Variants in DSEL observed in about 807,000 individuals in gnomAD.
DSEL encodes the protein dermatan-sulfate epimerase-like protein.
Under a neutral mutation model 96.6 loss-of-function variants are expected in DSEL, and 61 were observed. That is an observed-to-expected ratio of 0.63 (90% CI 0.51 to 0.78). The LOEUF (loss-of-function observed/expected upper bound fraction) is 0.78. Among genes scored for constraint, DSEL ranks in the 30% least tolerant of loss-of-function variants. DSEL has a pLI of 0.00. For synonymous variants in DSEL, 514 were observed against 502.0 expected, an observed-to-expected ratio of 1.02 and a Z score of -0.32; for missense variants, 1,320 against 1,430.8, an observed-to-expected ratio of 0.92 and a Z score of 1.25.
Position 67,508,113 on chromosome 18 carries a change from G to T in DSEL, c.*2857C>A, listed in dbSNP as rs2089420334. On this transcript the variant is annotated 3_prime_UTR_variant, in exon 2 of 2. Transcript: ENST00000310045. ...TAGGCCTATGTTTGGGGAAGTTAAT[G>T]TAGAAAAAGACGGATTTTACAGATA... is the stretch of plus-strand genomic sequence containing the variant. The T allele has an allele frequency of 6.6e-6, 1 of 152,136 alleles. No homozygotes were observed. Among genetic ancestry groups the T allele is most frequent in the Non-Finnish European group, 1.5e-5 (1 of 68,018 alleles). The allele number at this position is 152,136 out of a possible 1,614,324, so 9.4% of individuals were successfully genotyped here. A position where few individuals can be genotyped will look rare whatever the true frequency, so the allele number is the denominator to read the frequency against.
rs752394509 is a variant in DSEL, at chr18:67,510,929, G to A, written c.*41C>T. The stretch of plus-strand genomic sequence containing the variant: ...CTGATTCATATCCACAAAGTGGGTT[G>A]GTAAGTATTATTAGTGCAAATTTCT... On this transcript the variant is annotated 3_prime_UTR_variant, in exon 2 of 2. Transcript: ENST00000310045. 29 of 1,496,298 alleles carry A rather than the reference G, an allele frequency of 1.9e-5. No homozygotes were observed. Among genetic ancestry groups the A allele is most frequent in the African/African-American group, 2.8e-5 (2 of 71,212 alleles). The allele number at this position is 1,496,298 out of a possible 1,614,324, so 92.7% of individuals were successfully genotyped here.
In DSEL at chr18:67,511,071, T is replaced by C. The variant is rs756608570; in HGVS notation, c.3538A>G (p.Asn1180Asp). The change falls in exon 2 of 2, where the codon AAT (asparagine) becomes GAT (aspartate). Residue 1180 changes from asparagine to aspartate, a missense_variant. Asn to Asp is a conservative substitution (Grantham distance 23, BLOSUM62 1). Transcript: ENST00000310045. ...YEGEISPTNT[N>D]VWKQNLPRDE... is the part of the protein sequence containing the mutation. ...CTAGGCAAGTTCTGTTTCCAAACATTAGTATTAGTTGGTGATATTTCCCCT... is the reference window on the plus strand; with the variant it reads ...CTAGGCAAGTTCTGTTTCCAAACATCAGTATTAGTTGGTGATATTTCCCCT... 6.2e-6 allele frequency: 10 copies of C among 1,613,874 alleles called. No homozygotes were observed. The highest frequency in any genetic ancestry group is 7.6e-6 in the Non-Finnish European group (9 of 1,179,934).
rs1429054707 is a variant in DSEL, at chr18:67,510,267, T to C, written c.*703A>G. The C allele has an allele frequency of 1.3e-5, 2 of 152,210 alleles. No individual in the cohort carries two copies. Among genetic ancestry groups the C allele is most frequent in the Non-Finnish European group, 2.9e-5 (2 of 68,048 alleles). The allele number at this position is 152,210 out of a possible 1,614,324, so 9.4% of individuals were successfully genotyped here. A position where few individuals can be genotyped will look rare whatever the true frequency, so the allele number is the denominator to read the frequency against. ...AAACAGACAATCATGTCTAAAATAA[T>C]CTACCAGCCCTTGCCACCCAGATTG... On this transcript the variant is annotated 3_prime_UTR_variant, in exon 2 of 2. Transcript: ENST00000310045.
At position 67,508,535 on chromosome 18, in the gene DSEL, T is replaced by C. The variant is rs1437588894; in HGVS notation, c.*2435A>G. ...AAGTAAATACAACTCTGCATTGCCA[T>C]GTGGGGGTGAAAGCTGGGATACATT... On this transcript the variant is annotated 3_prime_UTR_variant, in exon 2 of 2. Coordinates refer to ENST00000310045, the MANE Select transcript of DSEL (RefSeq NM_032160.3). 1.3e-5 allele frequency: 2 copies of C among 152,200 alleles called. No individual in the cohort carries two copies. Among genetic ancestry groups the C allele is most frequent in the Admixed American group, 6.5e-5 (1 of 15,274 alleles). 9.4% of individuals were successfully genotyped at this position (152,200 alleles called of 1,614,324 possible).
At position 67,512,728 on chromosome 18, in the gene DSEL, C is replaced by A. The variant is rs767249215; in HGVS notation, c.1881G>T (p.Val627=). ...AAAACATTTTGTAATGTGCATCCCA[C>A]ACATCCATCATGGCACCATTATACC... ...MNRYNGAMMD[V]WDAHYKMFWF... Residue 627 remains valine, a synonymous_variant, in exon 2 of 2, where the codon GTG becomes GTT. Transcript: ENST00000310045. 1.9e-6 allele frequency: 3 copies of A among 1,614,164 alleles called. No homozygotes were observed. The South Asian group carries it at 3.3e-5, about 18-fold the overall frequency.
chr18:67,510,879 CACACT>C lies in DSEL; in HGVS notation c.*86_*90del, dbSNP rs2089437548. The stretch of plus-strand genomic sequence containing the variant: ...ACATACACGCGTGCACACACACACA[CACACT>C]AAAGAATAAACAAACTCTTCTGATT... On this transcript the variant is annotated 3_prime_UTR_variant, in exon 2 of 2. Coordinates refer to ENST00000310045, the MANE Select transcript of DSEL (RefSeq NM_032160.3). The C allele has an allele frequency of 1.8e-6, 2 of 1,089,502 alleles. No homozygotes were observed. The highest frequency in any genetic ancestry group is 1.3e-6 in the Non-Finnish European group (1 of 763,286). The allele number at this position is 1,089,502 out of a possible 1,614,324, so 67.5% of individuals were successfully genotyped here.
rs1441412494 is a variant in DSEL at position 67,507,569 on chromosome 18, T to G, written c.*3401A>C. On this transcript the variant is annotated 3_prime_UTR_variant, in exon 2 of 2. Coordinates refer to ENST00000310045, the MANE Select transcript of DSEL (RefSeq NM_032160.3). The stretch of plus-strand genomic sequence containing the variant: ...TGTATACCAAGAATGCCAAAGATAC[T>G]TGGTGATGTACAGAAATCGTTGCTG... 1 of 152,162 alleles carries G rather than the reference T, an allele frequency of 6.6e-6. No homozygotes were observed. Among genetic ancestry groups the G allele is most frequent in the South Asian group, 2.1e-4 (1 of 4,828 alleles). 9.4% of individuals were successfully genotyped at this position (152,162 alleles called of 1,614,324 possible).
chr18:67,516,671 A>G lies in DSEL; in HGVS notation c.-1195T>C, dbSNP rs917588103. 8.2e-6 allele frequency: 1 copy of G among 121,648 alleles called. No individual in the cohort carries two copies. The highest frequency in any genetic ancestry group is 1.8e-5 in the Non-Finnish European group (1 of 55,518). 7.5% of individuals were successfully genotyped at this position (121,648 alleles called of 1,614,324 possible). A position where few individuals can be genotyped will look rare whatever the true frequency, so the allele number is the denominator to read the frequency against. On this transcript the variant is annotated 5_prime_UTR_variant, in exon 1 of 2. Coordinates refer to ENST00000310045, the MANE Select transcript of DSEL (RefSeq NM_032160.3). The surrounding 1 kb of genome is among the most constrained non-coding windows in gnomAD (Gnocchi z 5.6). ...CTCTCGGTGGCGCCGTATCCAGAGC[A>G]GCGCCCGCGTGCCCAGGCGGTGATG...
Position 67,508,411 on chromosome 18 carries a change from G to A in DSEL, c.*2559C>T, listed in dbSNP as rs11151371. 95,980 of 152,004 alleles carry A rather than the reference G, an allele frequency of 0.63. 30,431 individuals are homozygous for A. Among genetic ancestry groups the A allele is most frequent in the East Asian group, 0.66 (3,405 of 5,132 alleles). 9.4% of individuals were successfully genotyped at this position (152,004 alleles called of 1,614,324 possible). On this transcript the variant is annotated 3_prime_UTR_variant, in exon 2 of 2. Coordinates refer to ENST00000310045, the MANE Select transcript of DSEL (RefSeq NM_032160.3). ...ATTCCTTACAGAACAATCTGTGAGTGGACGCTTTCTCCAGCAAACTTTCTA... is the reference window on the plus strand; with the variant it reads ...ATTCCTTACAGAACAATCTGTGAGTAGACGCTTTCTCCAGCAAACTTTCTA...
rs753037209 is a variant in DSEL, at chr18:67,513,355, A to G, written c.1254T>C (p.Val418=). ...TGTTTGGCAACCCAGCCCCATAAGTAACCACACCCCAGTTAGGGAATGTGT... is the reference window on the plus strand; with the variant it reads ...TGTTTGGCAACCCAGCCCCATAAGTGACCACACCCCAGTTAGGGAATGTGT... ...KIHTFPNWGV[V]TYGAGLPNTQ... The change falls in exon 2 of 2, where the codon GTT becomes GTC. Residue 418 remains valine, a synonymous_variant. Transcript: ENST00000310045. 4 of 1,614,078 alleles carry G rather than the reference A, an allele frequency of 2.5e-6. No individual in the cohort carries two copies. The African/African-American group carries it at 4.0e-5, about 16-fold the overall frequency.
At position 67,514,482 on chromosome 18, in the gene DSEL, T is replaced by C; in HGVS notation, c.127A>G (p.Lys43Glu). The change falls in exon 2 of 2, where the codon AAA becomes GAA. Residue 43 changes from lysine (K) to glutamate (E), a missense_variant. Coordinates refer to ENST00000310045, the MANE Select transcript of DSEL (RefSeq NM_032160.3). ...CTGAAATCTTGCACTTTCTGTGTTT[T>C]AAACTGATCTATATCATCTGTGAAA... ...AVFTDDIDQF[K>E]TQKVQDFRPN... The C allele has an allele frequency of 2.5e-6, 4 of 1,614,204 alleles. No individual in the cohort carries two copies. Among genetic ancestry groups the C allele is most frequent in the Non-Finnish European group, 3.4e-6 (4 of 1,180,040 alleles).
chr18:67,515,910 T>C (rs2089473382), intron 1 of DSEL, among the ~76,000 whole-genome samples: 1 of 152,052 alleles, frequency 6.6e-6, no homozygotes, highest in East Asian at 1.9e-4. Flanking sequence ...CTTTTTTTTT[T>C]TTTTTTTTTT....
At position 67,513,908 on chromosome 18, in the gene DSEL, G is replaced by A. The variant is rs777553962; in HGVS notation, c.701C>T (p.Thr234Ile). The change falls in exon 2 of 2, where the codon ACA becomes ATA. Residue 234 changes from threonine to isoleucine, a missense_variant. Physicochemically the swap from Thr to Ile is moderately conservative, Grantham distance 89. Around this residue, in one of 3 missense-constraint regions of DSEL, gnomAD observed 323 missense variants for 333.1 expected, o/e 0.97. Transcript: ENST00000310045. The stretch of plus-strand genomic sequence containing the variant: ...ATCTACTCCAGTCACCAAGGCCCCT[G>A]TGAGTAATGCTATCATATTAGTGGC... ...HQATNMIALL[T>I]GALVTGVDKG... is the part of the protein sequence containing the mutation. The A allele has an allele frequency of 1.9e-6, 3 of 1,614,118 alleles. No individual in the cohort carries two copies. Among genetic ancestry groups the A allele is most frequent in the Admixed American group, 1.7e-5 (1 of 60,022 alleles).
chr18:67,514,822 A>G lies in DSEL; in HGVS notation c.-214T>C. Reference sequence around the variant, plus strand: ...TAAATTGTATATCTCTGTCCCTGGCACAGTTTTGCTTCCAGTAAAACTTTG... The same window carrying G: ...TAAATTGTATATCTCTGTCCCTGGCGCAGTTTTGCTTCCAGTAAAACTTTG... On this transcript the variant is annotated 5_prime_UTR_variant, in exon 2 of 2. Coordinates refer to ENST00000310045, the MANE Select transcript of DSEL (RefSeq NM_032160.3). 1.8e-6 allele frequency: 1 copy of G among 546,108 alleles called. No individual in the cohort carries two copies. Among genetic ancestry groups the G allele is most frequent in the Non-Finnish European group, 3.2e-6 (1 of 308,912 alleles). 33.8% of individuals were successfully genotyped at this position (546,108 alleles called of 1,614,324 possible).
rs1475728436 is a variant in DSEL at position 67,508,730 on chromosome 18, T to A, written c.*2240A>T. The A allele has an allele frequency of 6.6e-5, 7 of 106,278 alleles. No individual in the cohort carries two copies. Among genetic ancestry groups the A allele is most frequent in the Non-Finnish European group, 1.2e-4 (6 of 49,076 alleles). The allele number at this position is 106,278 out of a possible 1,614,324, so 6.6% of individuals were successfully genotyped here. On this transcript the variant is annotated 3_prime_UTR_variant, in exon 2 of 2. Coordinates refer to ENST00000310045, the MANE Select transcript of DSEL (RefSeq NM_032160.3). ...CTGCCAACAGGTACATTTCTTTTTTTCTTTTTTTTTTTTTTTTGAGGCGGA... is the reference window on the plus strand; with the variant it reads ...CTGCCAACAGGTACATTTCTTTTTTACTTTTTTTTTTTTTTTTGAGGCGGA...
rs1415628334 is a variant in DSEL at position 67,508,005 on chromosome 18, C to T, written c.*2965G>A. On this transcript the variant is annotated 3_prime_UTR_variant, in exon 2 of 2. Transcript: ENST00000310045. Reference sequence around the variant, plus strand: ...CCAATTATCATTATATTTGTTACTTCACTTTTGTCAGCAAAATTAATAAGT... The same window carrying T: ...CCAATTATCATTATATTTGTTACTTTACTTTTGTCAGCAAAATTAATAAGT... The T allele has an allele frequency of 2.0e-5, 3 of 152,010 alleles. No homozygotes were observed. Among genetic ancestry groups the T allele is most frequent in the South Asian group, 2.1e-4 (1 of 4,822 alleles). 9.4% of individuals were successfully genotyped at this position (152,010 alleles called of 1,614,324 possible). A position where few individuals can be genotyped will look rare whatever the true frequency, so the allele number is the denominator to read the frequency against.
rs1003977027 is a variant in DSEL at position 67,516,524 on chromosome 18, T to A, written c.-1048A>T. 9.2e-5 allele frequency: 14 copies of A among 152,302 alleles called. No individual in the cohort carries two copies. The highest frequency in any genetic ancestry group is 3.4e-4 in the African/African-American group (14 of 41,348). The allele number at this position is 152,302 out of a possible 1,614,324, so 9.4% of individuals were successfully genotyped here. A position where few individuals can be genotyped will look rare whatever the true frequency, so the allele number is the denominator to read the frequency against. Reference sequence around the variant, plus strand: ...TACGGCAGGCGCTGCCCCAGCTCGGTCTCCTCAGCCGCGCTCGGTCCCCGC... The same window carrying A: ...TACGGCAGGCGCTGCCCCAGCTCGGACTCCTCAGCCGCGCTCGGTCCCCGC... On this transcript the variant is annotated 5_prime_UTR_variant, in exon 1 of 2. Coordinates refer to ENST00000310045, the MANE Select transcript of DSEL (RefSeq NM_032160.3). This position sits in a 1 kb window ranked among gnomAD's most constrained non-coding sequence, Gnocchi z 5.6.
In DSEL at chr18:67,511,655, A is replaced by C. The variant is rs2144049279; in HGVS notation, c.2954T>G (p.Ile985Ser). 1 of 1,614,120 alleles carries C rather than the reference A, an allele frequency of 6.2e-7. No homozygotes were observed. Among genetic ancestry groups the C allele is most frequent in the Admixed American group, 1.7e-5 (1 of 60,010 alleles). ...AACCAGGTGTCTCCTCAAAGCCCTA[A>C]TATATTCAGCATCTCTATCAAAGGC... is the stretch of plus-strand genomic sequence containing the variant. ...KGAFDRDAEY[I>S]RALRRHLVYY... Residue 985 changes from isoleucine (I) to serine (S), a missense_variant, in exon 2 of 2, where the codon ATT (isoleucine) becomes AGT (serine). Ile to Ser is a moderately radical substitution (Grantham distance 142, BLOSUM62 -2). Coordinates refer to ENST00000310045, the MANE Select transcript of DSEL (RefSeq NM_032160.3).
chr18:67,510,848 C>A lies in DSEL; in HGVS notation c.*122G>T. On this transcript the variant is annotated 3_prime_UTR_variant, in exon 2 of 2. Transcript: ENST00000310045. Reference sequence around the variant, plus strand: ...AAACAATCTCTCTGTGCAAACAACACTGAACACATACACGCGTGCACACAC... The same window carrying A: ...AAACAATCTCTCTGTGCAAACAACAATGAACACATACACGCGTGCACACAC... 6.6e-6 allele frequency: 5 copies of A among 763,104 alleles called. No individual in the cohort carries two copies. Among genetic ancestry groups the A allele is most frequent in the Non-Finnish European group, 1.0e-5 (5 of 500,000 alleles). The allele number at this position is 763,104 out of a possible 1,614,324, so 47.3% of individuals were successfully genotyped here.
Sources: gnomAD v4.1 joint callset for allele counts (sites outside exome capture counted in the v4.1 genomes callset) on GRCh38, gnomAD v4.1.1 for gene constraint, gnomAD v4.1.1 regional missense constraint, Gnocchi (gnomAD v3.1) non-coding constraint, MANE v1.5 for transcripts, NCBI Gene and HGNC (gene_info 2026-07-23, HGNC 2026-07-21) for gene names.